KCNK2: variants seen among roughly 807,000 people sequenced by gnomAD.
KCNK2 encodes the protein potassium two pore domain channel subfamily K member 2.
In KCNK2, 21 loss-of-function variants were observed where a neutral mutation model predicts 40.5. The ratio of observed to expected loss-of-function variants is 0.52; its 90% confidence interval spans 0.37 to 0.75. KCNK2 has a LOEUF of 0.75. KCNK2 is among the 30% of genes least tolerant of loss of function. The probability of loss-of-function intolerance (pLI) is 0.00; values close to 1 mark genes in which losing one functional copy is unlikely to be tolerated. For synonymous variants in KCNK2, 191 were observed against 202.2 expected (o/e 0.94, Z 0.47); for missense variants, 399 against 531.6 (o/e 0.75, Z 2.45).
chr1:215,085,674 A>T (rs1398508087), intron 1 of KCNK2, among the ~76,000 whole-genome samples: 2 of 152,226 alleles, frequency 1.3e-5, no homozygotes, highest in Non-Finnish European at 2.9e-5. Context: ...ATTAGCAGTA[A>T]CTTTTATTGG....
At chr1:215,095,929 G>A (rs1659958092) in intron 2 of KCNK2, among the ~76,000 whole-genome samples, 1 of 152,008 alleles carries the variant, frequency 6.6e-6, no homozygotes, top group Non-Finnish European at 1.5e-5. Context: ...TTGCTAAAAC[G>A]TGTGTGACTG....
At chr1:215,193,993 C>T (rs2102663677) in intron 5 of KCNK2, among the ~76,000 whole-genome samples, 1 of 148,976 alleles carries the variant, frequency 6.7e-6, no homozygotes, top group Non-Finnish European at 1.5e-5. Flanking sequence ...CTTCTATGTC[C>T]TCTCATAGTA....
intron 1 of KCNK2, among the ~76,000 whole-genome samples, chr1:215,085,213 C>T (rs941741184): frequency 3.3e-5 from 5 of 152,084 alleles, no homozygotes; most frequent in Admixed American, 2.0e-4. Flanking sequence ...ATTATATACA[C>T]GATAGCAAGT....
intron 3 of KCNK2, among the ~76,000 whole-genome samples, chr1:215,129,965 T>C (rs1255115534): frequency 1.3e-5 from 2 of 152,198 alleles, no homozygotes; most frequent in African/African-American, 4.8e-5. Flanking sequence ...CTTGGGATTT[T>C]CTGAGTGATG....
chr1:215,048,054 A>G (rs1354771072), intron 1 of KCNK2, among the ~76,000 whole-genome samples: 1 of 152,182 alleles, frequency 6.6e-6, no homozygotes, highest in African/African-American at 2.4e-5. Context: ...TATTATTTCC[A>G]ATTAAGTTTA....
In KCNK2 at chr1:215,236,424, T is replaced by C. The variant is rs1666898204; in HGVS notation, c.*1279T>C. The C allele has an allele frequency of 6.6e-6, 1 of 152,570 alleles. No homozygotes were observed. Among genetic ancestry groups the C allele is most frequent in the Non-Finnish European group, 1.5e-5 (1 of 68,046 alleles). The allele number at this position is 152,570 out of a possible 1,614,324, so 9.5% of individuals were successfully genotyped here. On this transcript the variant is annotated 3_prime_UTR_variant, in exon 7 of 7. Transcript: ENST00000444842. Reference sequence around the variant, plus strand: ...AAGTTGAAGTTGGGATCACTGTGACTTTGCACATGGAAAAATGCAGATTGC... The same window carrying C: ...AAGTTGAAGTTGGGATCACTGTGACCTTGCACATGGAAAAATGCAGATTGC...
chr1:215,177,744 T>A (rs372162299), intron 5 of KCNK2, among the ~76,000 whole-genome samples: 14 of 94,262 alleles, frequency 1.5e-4, no homozygotes, highest in South Asian at 1.1e-3. Context: ...ATATATATTT[T>A]TTTTTTTTGT....
chr1:215,171,904 C>T (rs1663724993), intron 4 of KCNK2, 93 bp from the exon 5 acceptor site: 1 of 589,530 alleles, frequency 1.7e-6, no homozygotes, highest in Non-Finnish European at 2.4e-6. Flanking sequence ...CAAGTAATTT[C>T]TCTCTCTCTC....
intron 2 of KCNK2, among the ~76,000 whole-genome samples, chr1:215,089,827 T>TC (rs1558085723): frequency 1.6e-5 from 1 of 61,092 alleles, no homozygotes; most frequent in South Asian, 3.2e-4. Flanking sequence ...TTCTTTTTCT[T>TC]TTTTTTTTTT....
intron 1 of KCNK2, among the ~76,000 whole-genome samples, chr1:215,031,119 C>A (rs1657174738): frequency 6.6e-6 from 1 of 152,072 alleles, no homozygotes; most frequent in Non-Finnish European, 1.5e-5. Context: ...ATTCTTTCTC[C>A]ACATTGTCTT....
chr1:215,194,708 A>G (rs567969209), intron 5 of KCNK2, among the ~76,000 whole-genome samples: 21 of 152,344 alleles, frequency 1.4e-4, no homozygotes, highest in South Asian at 1.2e-3. Flanking sequence ...GCAAGGAAAA[A>G]TCATGATGAT....
intron 2 of KCNK2, among the ~76,000 whole-genome samples, chr1:215,106,254 A>AT (rs369090497): frequency 1.3e-5 from 2 of 151,898 alleles, no homozygotes; most frequent in Non-Finnish European, 2.9e-5. Context: ...AACACCTGTC[A>AT]TTTTTTTGAC....
chr1:215,105,941 G>A (rs1660421361), intron 2 of KCNK2, among the ~76,000 whole-genome samples: 1 of 152,072 alleles, frequency 6.6e-6, no homozygotes, highest in Non-Finnish European at 1.5e-5. Flanking sequence ...CTTAATGGCT[G>A]CATAGTATTG....
chr1:215,093,872 T>A (rs866734717), intron 2 of KCNK2, among the ~76,000 whole-genome samples: 3 of 96,186 alleles, frequency 3.1e-5, no homozygotes, highest in African/African-American at 1.2e-4. Context: ...AAAAATATAT[T>A]ATATATTATA....
intron 1 of KCNK2, among the ~76,000 whole-genome samples, chr1:215,007,179 GTGTGGGTATATATATATATATA>G (rs1223228071): frequency 7.3e-5 from 5 of 68,108 alleles, no homozygotes; most frequent in Non-Finnish European, 1.3e-4. Context: ...ATATGTATGT[GTGTGGGTATATATATATATATA>G]TATATATATA....
intron 2 of KCNK2, among the ~76,000 whole-genome samples, chr1:215,122,455 T>A (rs1039587644): frequency 4.6e-5 from 7 of 152,120 alleles, no homozygotes; most frequent in African/African-American, 1.7e-4. Flanking sequence ...GTTAGATGAA[T>A]AGAATTAGCT....
At chr1:215,115,875 C>T (rs1390070545) in intron 2 of KCNK2, among the ~76,000 whole-genome samples, 1 of 151,746 alleles carries the variant, frequency 6.6e-6, no homozygotes, top group Non-Finnish European at 1.5e-5. Flanking sequence ...GAAAAATGCA[C>T]ACCAGGGAAA....
chr1:215,118,551 G>A lies in KCNK2; in HGVS notation c.358-6082G>A, dbSNP rs138197362. ...CTCAGTGTGGAAACTGGCTTCCCCC[G>A]CAAAGAAATGGTCGCAAATAAAAAT... is the stretch of plus-strand genomic sequence containing the variant. On this transcript the variant is annotated intron_variant, in intron 2 of 6. Coordinates refer to ENST00000444842, the MANE Select transcript of KCNK2 (RefSeq NM_001017425.3). Among the ~76,000 whole-genome samples the A allele has an allele frequency of 5.1e-3, 720 of 141,586 alleles. 10 individuals carry two copies. Among genetic ancestry groups the A allele is most frequent in the African/African-American group, 0.017 (691 of 41,298 alleles). 92.9% of individuals were successfully genotyped at this position (141,586 alleles called of 152,430 possible). A position where few individuals can be genotyped will look rare whatever the true frequency, so the allele number is the denominator to read the frequency against.
At chr1:215,105,794 G>T (rs995971872) in intron 2 of KCNK2, among the ~76,000 whole-genome samples, 12 of 151,880 alleles carry the variant, frequency 7.9e-5, no homozygotes, top group African/African-American at 2.9e-4. Context: ...CCATCTTTAT[G>T]TCTGTGCATA....
Sources: gnomAD v4.1 joint callset for allele counts (sites outside exome capture counted in the v4.1 genomes callset) on GRCh38, gnomAD v4.1.1 for gene constraint, MANE v1.5 for transcripts, NCBI Gene and HGNC (gene_info 2026-07-23, HGNC 2026-07-21) for gene names.